ARHGEF18: variants seen among roughly 807,000 people sequenced by gnomAD.
The protein encoded by ARHGEF18 is rho guanine nucleotide exchange factor 18.
ARHGEF18 carries 93 observed loss-of-function variants against 155.7 expected under a neutral mutation model. That is an observed-to-expected ratio of 0.60 (90% confidence interval 0.50 to 0.71). ARHGEF18 has a LOEUF of 0.71. ARHGEF18 is among the 30% of genes least tolerant of loss of function. The pLI is 0.00. For synonymous variants in ARHGEF18, 742 were observed against 753.1 expected, an observed-to-expected ratio of 0.99 and a Z score of 0.24; for missense variants, 1,593 against 1,816.1, an observed-to-expected ratio of 0.88 and a Z score of 2.23.
chr19:7,472,816 C>G, downstream of ARHGEF18: 1 of 366,410 alleles, frequency 2.7e-6, no homozygotes, highest in Non-Finnish European at 5.5e-6. Flanking sequence ...TCTCCTGCCT[C>G]AGCCTCCTGA....
rs1479760299 is a variant in ARHGEF18, at chr19:7,467,656, G to C, written c.3452G>C (p.Gly1151Ala). Reference sequence around the variant, plus strand: ...CTCAAGAAGCAGAACACCGCGCCAGGCGCGCTGCCGCCCGACACACTGGCC... The same window carrying C: ...CTCAAGAAGCAGAACACCGCGCCAGCCGCGCTGCCGCCCGACACACTGGCC... ...RRLKKQNTAP[G>A]ALPPDTLAEA... The change falls in exon 26 of 29, where the codon GGC becomes GCC. Residue 1151 changes from glycine (G) to alanine (A), a missense_variant. By Grantham distance (60) the Gly-to-Ala change is moderately conservative. Transcript: ENST00000668164. 6.6e-7 allele frequency: 1 copy of C among 1,513,384 alleles called. No individual in the cohort carries two copies. The highest frequency in any genetic ancestry group is 8.8e-7 in the Non-Finnish European group (1 of 1,138,696). 93.7% of individuals were successfully genotyped at this position (1,513,384 alleles called of 1,614,324 possible).
rs3745357 is a variant in ARHGEF18, at chr19:7,472,102, G to A, written c.*1804G>A. On this transcript the variant is annotated 3_prime_UTR_variant, in exon 29 of 29. Transcript: ENST00000668164. ...CCGGCGTGTGCCGGTCCAGCCCTCC[G>A]AGATGCCACAATTCCTTGGATGGGG... The A allele has an allele frequency of 0.32, 49,174 of 152,346 alleles. 8,469 individuals are homozygous for A. The highest frequency in any genetic ancestry group is 0.51 in the Middle Eastern group (149 of 294). 9.4% of individuals were successfully genotyped at this position (152,346 alleles called of 1,614,324 possible).
intron 10 of ARHGEF18, among the ~76,000 whole-genome samples, chr19:7,418,591 C>T (rs772148131): frequency 7.2e-5 from 11 of 152,000 alleles, no homozygotes; most frequent in Non-Finnish European, 1.2e-4. Flanking sequence ...CCACTGTGCC[C>T]AGCCAGCAGG....
At chr19:7,436,258 GT>G (rs1202109404) in intron 10 of ARHGEF18, among the ~76,000 whole-genome samples, 1 of 132,576 alleles carries the variant, frequency 7.5e-6, no homozygotes, top group African/African-American at 2.8e-5. Flanking sequence ...CTTACATGCT[GT>G]TTTTTTTGTT....
chr19:7,447,620 A>G (rs1370696961), intron 15 of ARHGEF18, among the ~76,000 whole-genome samples: 1 of 152,132 alleles, frequency 6.6e-6, no homozygotes, highest in Non-Finnish European at 1.5e-5. Flanking sequence ...TGTAGCAGTG[A>G]TTTTTCAAGG....
At chr19:7,393,556 C>A (rs1225054741) in intron 10 of ARHGEF18, among the ~76,000 whole-genome samples, 3 of 152,024 alleles carry the variant, frequency 2.0e-5, no homozygotes, top group Admixed American at 6.6e-5. Context: ...TTGGTGAGAG[C>A]TGTTCTGCTC....
At chr19:7,352,572 C>T (rs982007418) in intron 1 of ARHGEF18, among the ~76,000 whole-genome samples, 10 of 110,574 alleles carry the variant, frequency 9.0e-5, no homozygotes, top group Non-Finnish European at 1.7e-4. Context: ...CTCACTCTGT[C>T]ACCCAGGCTG....
At chr19:7,416,347 G>A (rs367724652) in intron 10 of ARHGEF18, among the ~76,000 whole-genome samples, 21 of 152,164 alleles carry the variant, frequency 1.4e-4, no homozygotes, top group East Asian at 9.7e-4. Context: ...CCAGGAGTTC[G>A]AGGCTGCAGT....
At position 7,447,049 on chromosome 19, in the gene ARHGEF18, G is replaced by T; in HGVS notation, c.1618G>T (p.Gly540Cys). The T allele has an allele frequency of 6.2e-7, 1 of 1,612,694 alleles. No homozygotes were observed. Among genetic ancestry groups the T allele is most frequent in the Non-Finnish European group, 8.5e-7 (1 of 1,179,666 alleles). The change falls in exon 15 of 29, where the codon GGT becomes TGT. Residue 540 changes from glycine to cysteine, a missense_variant. Physicochemically the swap from Gly to Cys is radical, Grantham distance 159. Transcript: ENST00000668164. ...IGDLLVQQFSGENGERMKEKY... is the reference protein window; with the variant it reads ...IGDLLVQQFSCENGERMKEKY... ...CCATCCTTTTGTTTATCAGTTTTCAGGTGAAAATGGGGAGAGAATGAAAGA... is the reference window on the plus strand; with the variant it reads ...CCATCCTTTTGTTTATCAGTTTTCATGTGAAAATGGGGAGAGAATGAAAGA...
intron 13 of ARHGEF18, among the ~76,000 whole-genome samples, chr19:7,442,515 G>A (rs1187146283): frequency 1.3e-5 from 2 of 150,668 alleles, no homozygotes; most frequent in Non-Finnish European, 3.0e-5. Context: ...GATTATAGGC[G>A]TGAGCCACGG....
intron 10 of ARHGEF18, among the ~76,000 whole-genome samples, chr19:7,391,020 CAG>C (rs370560769): frequency 5.9e-5 from 9 of 152,130 alleles, no homozygotes; most frequent in South Asian, 4.1e-4. Context: ...AGCCCGTTGA[CAG>C]AGTGAGACTC....
chr19:7,395,625 A>G lies in ARHGEF18; in HGVS notation c.967+12422A>G, dbSNP rs1370638137. On this transcript the variant is annotated intron_variant, in intron 10 of 28. Transcript: ENST00000668164. This position sits in a 1 kb window ranked among gnomAD's most constrained non-coding sequence, Gnocchi z 5.0. ...CCAGGGATGGAATGGAACCCACCAC[A>G]ATACCCAGCACCGTCGTATTTCAGG... 6.6e-6 allele frequency among the ~76,000 whole-genome samples: 1 copy of G among 151,946 alleles called. No individual in the cohort carries two copies. The highest frequency in any genetic ancestry group is 2.4e-5 in the African/African-American group (1 of 41,360).
intron 10 of ARHGEF18, among the ~76,000 whole-genome samples, chr19:7,415,161 C>T (rs937874604): frequency 2.0e-5 from 3 of 152,150 alleles, no homozygotes; most frequent in African/African-American, 7.2e-5. Flanking sequence ...TAGTTCCATC[C>T]CTTATCCCAT....
At chr19:7,400,077 A>G (rs1189557011) in intron 10 of ARHGEF18, among the ~76,000 whole-genome samples, 2 of 152,006 alleles carry the variant, frequency 1.3e-5, no homozygotes, top group African/African-American at 4.8e-5. Context: ...GGCTTCATAC[A>G]CTGATTTATG....
At chr19:7,382,494 A>G (rs1367130950) in intron 8 of ARHGEF18, among the ~76,000 whole-genome samples, 1 of 152,134 alleles carries the variant, frequency 6.6e-6, no homozygotes, top group Admixed American at 6.6e-5. Context: ...ATCATAAGTG[A>G]ACAGAGCTGA....
intron 13 of ARHGEF18, among the ~76,000 whole-genome samples, chr19:7,443,685 G>T (rs951654789): frequency 6.6e-6 from 1 of 152,108 alleles, no homozygotes; most frequent in African/African-American, 2.4e-5. Flanking sequence ...GACACACACA[G>T]ATGTGATGGA....
chr19:7,442,322 G>A (rs767350635), intron 13 of ARHGEF18, among the ~76,000 whole-genome samples: 3 of 151,212 alleles, frequency 2.0e-5, no homozygotes, highest in Non-Finnish European at 4.4e-5. Flanking sequence ...CTGCAGCCTC[G>A]ACCTGGGCTC....
At chr19:7,351,513 C>T (rs549647769) in intron 1 of ARHGEF18, among the ~76,000 whole-genome samples, 27 of 151,548 alleles carry the variant, frequency 1.8e-4, no homozygotes, top group African/African-American at 3.9e-4. Flanking sequence ...TTAATAGAGA[C>T]GGGGTTTCAC....
chr19:7,420,651 G>A (rs186072351), intron 10 of ARHGEF18, among the ~76,000 whole-genome samples: 4 of 152,234 alleles, frequency 2.6e-5, no homozygotes, highest in African/African-American at 7.2e-5. Flanking sequence ...ATGGGTTCAT[G>A]AGTTATGAGT....
Sources: gnomAD v4.1 joint callset for allele counts (sites outside exome capture counted in the v4.1 genomes callset) on GRCh38, gnomAD v4.1.1 for gene constraint, Gnocchi (gnomAD v3.1) non-coding constraint, MANE v1.5 for transcripts, NCBI Gene and HGNC (gene_info 2026-07-23, HGNC 2026-07-21) for gene names.